Variants in PCDHGB1 observed in about 807,000 individuals in gnomAD.
The protein encoded by PCDHGB1 is protocadherin gamma-B1.
PCDHGB1 carries 34 observed loss-of-function variants against 56.6 expected under a neutral mutation model. That is an observed-to-expected ratio of 0.60 (90% CI 0.46 to 0.80). PCDHGB1 has a LOEUF of 0.80. Among genes scored for constraint, PCDHGB1 ranks in the 30% least tolerant of loss-of-function variants. The probability of loss-of-function intolerance (pLI) is 0.00; values close to 1 mark genes in which losing one functional copy is unlikely to be tolerated. For missense variants in PCDHGB1, 1,278 were observed against 1,204.6 expected, an observed-to-expected ratio of 1.06 and a Z score of -0.90; for synonymous variants, 561 against 505.9, an observed-to-expected ratio of 1.11 and a Z score of -1.46.
chr5:141,456,047 A>G (rs1321504293), intron 1 of PCDHGB1, among the ~76,000 whole-genome samples: 3 of 151,774 alleles, frequency 2.0e-5, no homozygotes, highest in Non-Finnish European at 4.4e-5. Context: ...ACAGGCGCCC[A>G]CCACCACGTC....
At chr5:141,374,852 G>C in intron 1 of PCDHGB1, 1 of 1,613,798 alleles carries the variant, frequency 6.2e-7, no homozygotes, top group Middle Eastern at 1.6e-4. Context: ...AAACCTGCCA[G>C]TAGGCACACC....
chr5:141,433,192 A>G (rs756991371), intron 1 of PCDHGB1: 1 of 1,585,516 alleles, frequency 6.3e-7, no homozygotes, highest in Non-Finnish European at 8.6e-7. Flanking sequence ...AGGTGAGTTT[A>G]TATCAAATCT....
At chr5:141,368,970 C>T (rs551619328) in intron 1 of PCDHGB1, among the ~76,000 whole-genome samples, 1 of 152,290 alleles carries the variant, frequency 6.6e-6, no homozygotes, top group South Asian at 2.1e-4. Context: ...TGCTATAATG[C>T]TTTTCCACTA....
chr5:141,479,057 T>A (rs2099487107), intron 1 of PCDHGB1, among the ~76,000 whole-genome samples: 1 of 152,234 alleles, frequency 6.6e-6, no homozygotes, highest in East Asian at 1.9e-4. Context: ...TCTCAGATAA[T>A]TTTTTATGAA....
At chr5:141,366,418 A>C (rs371439517) in intron 1 of PCDHGB1, 1 of 1,614,106 alleles carries the variant, frequency 6.2e-7, no homozygotes, top group East Asian at 2.2e-5. Context: ...TTGTGGTGGC[A>C]GTGGCTGCAG....
rs1316631653 is a variant in PCDHGB1 at position 141,388,751 on chromosome 5, A to G, written c.2409+36082A>G. The G allele has an allele frequency of 4.3e-6, 7 of 1,613,980 alleles. No homozygotes were observed. In the Admixed American group the frequency reaches 5.0e-5, roughly 12 times the overall value. ...TCAGTGAAGCTAGCCAGATCACCCAATTTGACCTGAACTCTAACACCGGGG... is the reference window on the plus strand; with the variant it reads ...TCAGTGAAGCTAGCCAGATCACCCAGTTTGACCTGAACTCTAACACCGGGG... On this transcript the variant is annotated intron_variant, in intron 1 of 3. Coordinates refer to ENST00000523390, the MANE Select transcript of PCDHGB1 (RefSeq NM_018922.3).
chr5:141,483,168 C>A (rs750259590), intron 1 of PCDHGB1, among the ~76,000 whole-genome samples: 3 of 152,104 alleles, frequency 2.0e-5, no homozygotes, highest in Non-Finnish European at 4.4e-5. Context: ...CCTGAGTTAC[C>A]TTTGGGCCAA....
intron 1 of PCDHGB1, among the ~76,000 whole-genome samples, chr5:141,453,095 G>T (rs1254113352): frequency 6.6e-6 from 1 of 151,962 alleles, no homozygotes; most frequent in African/African-American, 2.4e-5. Flanking sequence ...TATATTTTCT[G>T]TTGCTTTTTT....
At chr5:141,376,288 G>A (rs753554580) in intron 1 of PCDHGB1, 4 of 1,614,216 alleles carry the variant, frequency 2.5e-6, no homozygotes, top group South Asian at 2.2e-5. Flanking sequence ...TAGCGAGCAT[G>A]CCCGGCTCGC....
intron 1 of PCDHGB1, among the ~76,000 whole-genome samples, chr5:141,443,376 T>C (rs1365277469): frequency 6.6e-6 from 1 of 151,990 alleles, no homozygotes; most frequent in Admixed American, 6.6e-5. Flanking sequence ...TCTCAGCTAC[T>C]TGGGAGGCTG....
At position 141,476,321 on chromosome 5, in the gene PCDHGB1, G is replaced by A; in HGVS notation, c.2410-18486G>A. 1 of 1,614,196 alleles carries A rather than the reference G, an allele frequency of 6.2e-7. No homozygotes were observed. The highest frequency in any genetic ancestry group is 1.3e-5 in the African/African-American group (1 of 75,054). ...CCTCTCAGCCCGCAGGTTCCGGGTG[G>A]TGTCTGGAGCTAGCCGAAGATTCTT... On this transcript the variant is annotated intron_variant, in intron 1 of 3. Coordinates refer to ENST00000523390, the MANE Select transcript of PCDHGB1 (RefSeq NM_018922.3). The surrounding 1 kb of genome is among the most constrained non-coding windows in gnomAD (Gnocchi z 7.6).
chr5:141,355,459 G>T, intron 1 of PCDHGB1: 2 of 1,614,082 alleles, frequency 1.2e-6, no homozygotes, highest in Non-Finnish European at 1.7e-6. Flanking sequence ...CTTGGTCACC[G>T]CGGGTAGGAT....
At chr5:141,496,310 A>G (rs1446146598) in intron 2 of PCDHGB1, among the ~76,000 whole-genome samples, 1 of 152,218 alleles carries the variant, frequency 6.6e-6, no homozygotes, top group East Asian at 1.9e-4. Context: ...GCTCTGCGCC[A>G]GGCCTCCCAG....
At chr5:141,384,224 T>C (rs753746250) in intron 1 of PCDHGB1, 1 of 1,613,882 alleles carries the variant, frequency 6.2e-7, no homozygotes, top group Non-Finnish European at 8.5e-7. Flanking sequence ...TTCATGCAGG[T>C]GGCAGACACC....
chr5:141,463,176 C>CA (rs2099054640), intron 1 of PCDHGB1, among the ~76,000 whole-genome samples: 1 of 152,100 alleles, frequency 6.6e-6, no homozygotes, highest in African/African-American at 2.4e-5. Flanking sequence ...TATGTATGCT[C>CA]AGATTATTAT....
intron 1 of PCDHGB1, chr5:141,415,455 G>T: frequency 6.2e-7 from 1 of 1,614,186 alleles, no homozygotes; most frequent in Non-Finnish European, 8.5e-7. Context: ...ATTCCCACGA[G>T]GTCTCTCTCA....
Position 141,486,487 on chromosome 5 carries a change from C to G in PCDHGB1, c.2410-8320C>G. The G allele has an allele frequency of 6.2e-7, 1 of 1,614,086 alleles. No homozygotes were observed. The highest frequency in any genetic ancestry group is 1.1e-5 in the South Asian group (1 of 91,074). ...CTGGGAACCCTCCTCTCAGTACCCA[C>G]AGAACTATTTTCCTCAATATTTCAG... On this transcript the variant is annotated intron_variant, in intron 1 of 3. Coordinates refer to ENST00000523390, the MANE Select transcript of PCDHGB1 (RefSeq NM_018922.3). This position sits in a 1 kb window ranked among gnomAD's most constrained non-coding sequence, Gnocchi z 5.0.
chr5:141,362,108 C>A, intron 1 of PCDHGB1: 4 of 1,613,972 alleles, frequency 2.5e-6, no homozygotes, highest in Non-Finnish European at 3.4e-6. Context: ...TCCGCTACGG[C>A]CACGCTGCAC....
chr5:141,485,033 T>C lies in PCDHGB1; in HGVS notation c.2410-9774T>C. 1 of 689,352 alleles carries C rather than the reference T, an allele frequency of 1.5e-6. No homozygotes were observed. The highest frequency in any genetic ancestry group is 2.5e-6 in the Non-Finnish European group (1 of 392,590). The allele number at this position is 689,352 out of a possible 1,614,324, so 42.7% of individuals were successfully genotyped here. On this transcript the variant is annotated intron_variant, in intron 1 of 3. Coordinates refer to ENST00000523390, the MANE Select transcript of PCDHGB1 (RefSeq NM_018922.3). This position sits in a 1 kb window ranked among gnomAD's most constrained non-coding sequence, Gnocchi z 5.7. ...CCCCGCCACCAGCAAAAACGGCGCG[T>C]AACCCTTGCGGCGCCGGCCGAACCG...
Sources: gnomAD v4.1 joint callset for allele counts (sites outside exome capture counted in the v4.1 genomes callset) on GRCh38, gnomAD v4.1.1 for gene constraint, Gnocchi (gnomAD v3.1) non-coding constraint, MANE v1.5 for transcripts, NCBI Gene and HGNC (gene_info 2026-07-23, HGNC 2026-07-21) for gene names.